Variants in EXOC5 observed in about 807,000 individuals in gnomAD.
The protein encoded by EXOC5 is SEC10-like 1.
A neutral mutation model predicts 90.8 loss-of-function variants in EXOC5; 17 were observed. The observed-to-expected ratio is 0.19, with a 90% CI of 0.13 to 0.28. The LOEUF (loss-of-function observed/expected upper bound fraction) is 0.28, where lower values mean the gene tolerates loss of function less well. Ranked by LOEUF, EXOC5 falls within the 10% of genes least tolerant of loss-of-function variation. EXOC5 has a pLI of 1.00. For missense variants in EXOC5, 569 were observed against 830.6 expected (o/e 0.69, Z 3.87); for synonymous variants, 260 against 270.0 (o/e 0.96, Z 0.36).
intron 5 of EXOC5, 152 bp downstream of exon 5, chr14:57,239,443 C>G (rs984484482): frequency 3.5e-6 from 2 of 578,724 alleles, no homozygotes; most frequent in Admixed American, 7.2e-5. Context: ...GCATCTTGTA[C>G]AAAGTGAATA....
rs941577442 is a variant in EXOC5, at chr14:57,202,006, TAAGA to T, written c.*6599_*6602del. 2 of 151,984 alleles carry T rather than the reference TAAGA, an allele frequency of 1.3e-5. No individual in the cohort carries two copies. The highest frequency in any genetic ancestry group is 4.8e-5 in the African/African-American group (2 of 41,376). 9.4% of individuals were successfully genotyped at this position (151,984 alleles called of 1,614,324 possible). Reference sequence around the variant, plus strand: ...TGGAGAAGCCTGGTAAATAGTACCTTAAGAAAGTGATAAAAATGAACATCATCAG... The same window carrying T: ...TGGAGAAGCCTGGTAAATAGTACCTTAAGTGATAAAAATGAACATCATCAG... On this transcript the variant is annotated 3_prime_UTR_variant, in exon 18 of 18. Coordinates refer to ENST00000621441, the MANE Select transcript of EXOC5 (RefSeq NM_006544.4).
intron 15 of EXOC5, among the ~76,000 whole-genome samples, chr14:57,217,354 G>GC (rs1883004594): frequency 6.6e-6 from 1 of 152,212 alleles, no homozygotes; most frequent in African/African-American, 2.4e-5. Flanking sequence ...TTATGGCAAC[G>GC]CAAGTCTATC....
chr14:57,235,075 C>G (rs978231832), intron 7 of EXOC5, among the ~76,000 whole-genome samples: 6 of 152,150 alleles, frequency 3.9e-5, no homozygotes, highest in African/African-American at 1.4e-4. Context: ...ACTACTGTCT[C>G]AAGAGCCATT....
Position 57,256,793 on chromosome 14 carries a change from T to C in EXOC5, c.28-9081A>G, listed in dbSNP as rs191724110. On this transcript the variant is annotated intron_variant, in intron 1 of 17. Transcript: ENST00000621441. ...CCAATGACTGATTAAGATGGGAGTATAAGGGCCAGACCACTTTGGTCCAAA... is the reference window on the plus strand; with the variant it reads ...CCAATGACTGATTAAGATGGGAGTACAAGGGCCAGACCACTTTGGTCCAAA... Among the ~76,000 whole-genome samples the C allele has an allele frequency of 1.9e-3, 294 of 152,302 alleles. 3 individuals are homozygous for C. Among genetic ancestry groups the C allele is most frequent in the Middle Eastern group, 6.8e-3 (2 of 294 alleles).
intron 15 of EXOC5, among the ~76,000 whole-genome samples, chr14:57,217,616 G>A (rs147359632): frequency 8.4e-4 from 128 of 152,140 alleles, no homozygotes; most frequent in East Asian, 3.5e-3. Context: ...CTGCCTCTCC[G>A]TGGGCCTCCC....
At chr14:57,222,189 C>A (rs1883159796) in intron 13 of EXOC5, 119 bp downstream of exon 13, 1 of 542,016 alleles carries the variant, frequency 1.8e-6, no homozygotes, top group Admixed American at 3.6e-5. Flanking sequence ...GCTCAAACTT[C>A]ATTGCACCGA....
intron 2 of EXOC5, among the ~76,000 whole-genome samples, chr14:57,247,350 C>A (rs1250686418): frequency 1.3e-5 from 2 of 152,052 alleles, no homozygotes; most frequent in Non-Finnish European, 2.9e-5. Flanking sequence ...GAAGTATAAT[C>A]ATTTCTAGTT....
chr14:57,222,226 A>T (rs1164919746), intron 13 of EXOC5, 82 bp downstream of exon 13: 2 of 648,442 alleles, frequency 3.1e-6, no homozygotes, highest in Non-Finnish European at 5.2e-6. Context: ...AGAGATGATT[A>T]TAAGCAAAAC....
intron 15 of EXOC5, among the ~76,000 whole-genome samples, chr14:57,211,862 C>A (rs1882837931): frequency 6.6e-6 from 1 of 151,808 alleles, no homozygotes; most frequent in Non-Finnish European, 1.5e-5. Flanking sequence ...AAGACTCTGT[C>A]TCCAAAAAAA....
chr14:57,247,399 A>G (rs1172856584), intron 2 of EXOC5, among the ~76,000 whole-genome samples: 1 of 152,166 alleles, frequency 6.6e-6, no homozygotes, highest in Non-Finnish European at 1.5e-5. Flanking sequence ...CTTATACTCA[A>G]TAAAATTACT....
At chr14:57,229,713 T>C (rs1341838491) in intron 12 of EXOC5, 21 bp downstream of exon 12, 2 of 1,443,888 alleles carry the variant, frequency 1.4e-6, no homozygotes, top group South Asian at 3.0e-5. Flanking sequence ...ATATGTAAAA[T>C]ACATTTACAA....
chr14:57,265,486 G>C (rs113824171), intron 1 of EXOC5, among the ~76,000 whole-genome samples: 113 of 152,310 alleles, frequency 7.4e-4, no homozygotes, highest in African/African-American at 2.4e-3. Flanking sequence ...ACCTTGTGGG[G>C]CCAAGGTGGG....
At chr14:57,231,010 CTTTT>C (rs758234288) in intron 11 of EXOC5, among the ~76,000 whole-genome samples, 3 of 138,004 alleles carry the variant, frequency 2.2e-5, no homozygotes, top group East Asian at 2.1e-4. Context: ...ATCTACTTTA[CTTTT>C]TTTTTTTTTT....
intron 1 of EXOC5, among the ~76,000 whole-genome samples, chr14:57,261,929 G>A (rs980846022): frequency 1.3e-5 from 2 of 152,174 alleles, no homozygotes; most frequent in Non-Finnish European, 2.9e-5. Flanking sequence ...TTCAAGAAGT[G>A]AACACAGAAC....
In EXOC5 at chr14:57,227,807, A is replaced by G. The variant is rs1213445469; in HGVS notation, c.1296+1927T>C. ...CTGTCTCAATATAAATACAGATTATATACATCAACATAAATAATTAAGACT... is the reference window on the plus strand; with the variant it reads ...CTGTCTCAATATAAATACAGATTATGTACATCAACATAAATAATTAAGACT... On this transcript the variant is annotated intron_variant, in intron 12 of 17. Coordinates refer to ENST00000621441, the MANE Select transcript of EXOC5 (RefSeq NM_006544.4). Among the ~76,000 whole-genome samples the G allele has an allele frequency of 6.6e-5, 10 of 152,248 alleles. No individual in the cohort carries two copies. In the East Asian group the frequency reaches 1.9e-3, roughly 29 times the overall value.
At chr14:57,237,287 A>G (rs879755337) in intron 6 of EXOC5, 51 bp downstream of exon 6, 5 of 939,686 alleles carry the variant, frequency 5.3e-6, no homozygotes, top group East Asian at 5.3e-5. Flanking sequence ...ATTTTTACAC[A>G]AGTAGTTTTT....
chr14:57,238,223 T>TACACAC (rs61373267), intron 5 of EXOC5, among the ~76,000 whole-genome samples: 5 of 125,076 alleles, frequency 4.0e-5, no homozygotes, highest in African/African-American at 1.5e-4. Context: ...CACATATATA[T>TACACAC]ACACACACAC....
chr14:57,238,365 TATATATATATACACACACAC>T (rs1883738598), intron 5 of EXOC5, among the ~76,000 whole-genome samples: 1 of 92,338 alleles, frequency 1.1e-5, no homozygotes, highest in African/African-American at 3.6e-5. Context: ...TATATATATA[TATATATATATACACACACAC>T]ACACACACAC....
chr14:57,215,844 AAAAG>A (rs1882956315), intron 15 of EXOC5, among the ~76,000 whole-genome samples: 1 of 152,166 alleles, frequency 6.6e-6, no homozygotes, highest in Non-Finnish European at 1.5e-5. Flanking sequence ...TTAGGCAAGA[AAAAG>A]AAATAAAAGA....
Sources: allele counts gnomAD v4.1 joint callset (sites outside exome capture counted in the v4.1 genomes callset), GRCh38; gene constraint gnomAD v4.1.1; transcripts MANE v1.5; gene names NCBI Gene and HGNC (gene_info 2026-07-23, HGNC 2026-07-21).